PXDNL: variants seen among roughly 807,000 people sequenced by gnomAD.
PXDNL encodes peroxidasin like.
In PXDNL, 145 loss-of-function variants were observed where a neutral mutation model predicts 150.8. That is an observed-to-expected ratio of 0.96 (90% confidence interval 0.84 to 1.10). PXDNL has a LOEUF of 1.10. Among genes scored for constraint, PXDNL ranks in the 50% least tolerant of loss-of-function variants. The probability of loss-of-function intolerance (pLI) is 0.00; values close to 1 mark genes in which losing one functional copy is unlikely to be tolerated. For missense variants in PXDNL, 2,087 were observed against 1,873.9 expected (o/e 1.11, Z -2.10); for synonymous variants, 757 against 725.7 (o/e 1.04, Z -0.69).
At chr8:51,487,168 T>C (rs1374057582) in intron 5 of PXDNL, among the ~76,000 whole-genome samples, 1 of 152,146 alleles carries the variant, frequency 6.6e-6, no homozygotes, top group Admixed American at 6.5e-5. Flanking sequence ...ATTTGAGCAG[T>C]ATCTACTTTT....
Position 51,634,996 on chromosome 8 carries a change from T to G in PXDNL, c.236+19693A>C, listed in dbSNP as rs148437076. ...CTTTCTCTAGTCTGATTTCTCTGAATAGGACTTTCAGTACTATGTTGAATA... is the reference window on the plus strand; with the variant it reads ...CTTTCTCTAGTCTGATTTCTCTGAAGAGGACTTTCAGTACTATGTTGAATA... On this transcript the variant is annotated intron_variant, in intron 2 of 22. Transcript: ENST00000356297. 3.9e-3 allele frequency among the ~76,000 whole-genome samples: 597 copies of G among 152,198 alleles called. 1 individual carries two copies. The highest frequency in any genetic ancestry group is 6.9e-3 in the Admixed American group (106 of 15,264).
chr8:51,339,351 T>C (rs1045871072), intron 21 of PXDNL, among the ~76,000 whole-genome samples: 10 of 152,066 alleles, frequency 6.6e-5, no homozygotes, highest in Non-Finnish European at 2.9e-5. Context: ...TCCCAGCTAC[T>C]TGGGAGGCTG....
chr8:51,658,707 G>A (rs1815207364), intron 1 of PXDNL, among the ~76,000 whole-genome samples: 1 of 152,168 alleles, frequency 6.6e-6, no homozygotes, highest in African/African-American at 2.4e-5. Context: ...TACTGTGTAA[G>A]TATGTACATT....
chr8:51,551,550 A>G (rs531639057), intron 4 of PXDNL, among the ~76,000 whole-genome samples: 4 of 152,308 alleles, frequency 2.6e-5, no homozygotes, highest in Non-Finnish European at 5.9e-5. Flanking sequence ...GATCTTTGGC[A>G]AAGCAAATAA....
intron 17 of PXDNL, among the ~76,000 whole-genome samples, chr8:51,403,932 G>T (rs571778367): frequency 6.6e-6 from 1 of 152,128 alleles, no homozygotes; most frequent in Non-Finnish European, 1.5e-5. Flanking sequence ...TCTGATGTTC[G>T]GACGTGTTCA....
At chr8:51,576,041 G>A (rs553903510) in intron 3 of PXDNL, among the ~76,000 whole-genome samples, 7 of 150,614 alleles carry the variant, frequency 4.6e-5, no homozygotes, top group Admixed American at 6.6e-5. Context: ...TAGAACTGAC[G>A]AGAGAAACAG....
At chr8:51,650,515 T>C (rs973756182) in intron 2 of PXDNL, among the ~76,000 whole-genome samples, 2 of 152,208 alleles carry the variant, frequency 1.3e-5, no homozygotes, top group Admixed American at 1.3e-4. Flanking sequence ...CCAGAGTCTT[T>C]TTTACATTGC....
chr8:51,764,158 T>A (rs1454410225), intron 1 of PXDNL, among the ~76,000 whole-genome samples: 1 of 152,180 alleles, frequency 6.6e-6, no homozygotes, highest in Non-Finnish European at 1.5e-5. Flanking sequence ...CTCTCTTTAT[T>A]CCTGACTCTA....
intron 4 of PXDNL, among the ~76,000 whole-genome samples, chr8:51,548,196 G>C (rs76555051): frequency 0.026 from 3,961 of 151,930 alleles, 95 homozygotes; most frequent in African/African-American, 0.06. Flanking sequence ...TTTGGATTAT[G>C]TTAAACAACC....
At chr8:51,684,906 A>C (rs1033621993) in intron 1 of PXDNL, among the ~76,000 whole-genome samples, 9 of 152,216 alleles carry the variant, frequency 5.9e-5, no homozygotes, top group African/African-American at 2.2e-4. Context: ...CCTGCAAAGA[A>C]CCCCAGCCTC....
intron 2 of PXDNL, 26 bp downstream of exon 2, chr8:51,654,663 C>G (rs367679333): frequency 6.9e-5 from 109 of 1,579,992 alleles, no homozygotes; most frequent in Non-Finnish European, 9.0e-5. Flanking sequence ...TTTTAGGAAC[C>G]TTACAGATAA....
At chr8:51,552,838 G>C (rs1812522279) in intron 4 of PXDNL, among the ~76,000 whole-genome samples, 1 of 152,042 alleles carries the variant, frequency 6.6e-6, no homozygotes, top group Non-Finnish European at 1.5e-5. Flanking sequence ...ATAATTAATA[G>C]TAACAATAAT....
At chr8:51,525,641 TAAATAA>T (rs907064718) in intron 4 of PXDNL, among the ~76,000 whole-genome samples, 1 of 152,148 alleles carries the variant, frequency 6.6e-6, no homozygotes, top group Non-Finnish European at 1.5e-5. Context: ...TCTGATGCTA[TAAATAA>T]AAATAAAAAT....
intron 1 of PXDNL, among the ~76,000 whole-genome samples, chr8:51,725,785 G>A (rs1246990953): frequency 1.3e-5 from 2 of 152,214 alleles, no homozygotes; most frequent in Non-Finnish European, 2.9e-5. Context: ...TTTGCGTTCT[G>A]CAAGGACAGA....
At chr8:51,360,042 C>CAAAAAAAAAA (rs1366137848) in intron 19 of PXDNL, among the ~76,000 whole-genome samples, 2 of 85,612 alleles carry the variant, frequency 2.3e-5, no homozygotes, top group Admixed American at 1.2e-4. Context: ...AAGAGAAAAG[C>CAAAAAAAAAA]AAAAAAAAAA....
chr8:51,764,173 T>A (rs1327125997), intron 1 of PXDNL, among the ~76,000 whole-genome samples: 1 of 152,112 alleles, frequency 6.6e-6, no homozygotes, highest in Non-Finnish European at 1.5e-5. Context: ...ACTCTAGTAA[T>A]TTGTAGTAAT....
intron 1 of PXDNL, among the ~76,000 whole-genome samples, chr8:51,723,715 T>C (rs973713858): frequency 1.3e-5 from 2 of 152,098 alleles, no homozygotes; most frequent in African/African-American, 4.8e-5. Flanking sequence ...CACCAGCAGG[T>C]CGACAAAGTT....
At chr8:51,454,837 T>C (rs1438829109) in intron 9 of PXDNL, among the ~76,000 whole-genome samples, 5 of 152,182 alleles carry the variant, frequency 3.3e-5, no homozygotes, top group Non-Finnish European at 5.9e-5. Flanking sequence ...GCTCCTACTC[T>C]AGCTGCATGA....
chr8:51,686,777 A>G (rs1007346228), intron 1 of PXDNL, among the ~76,000 whole-genome samples: 8 of 152,210 alleles, frequency 5.3e-5, no homozygotes, highest in African/African-American at 1.9e-4. Flanking sequence ...GAAACAAGTG[A>G]CAAATGATTA....
Sources: gnomAD v4.1 joint callset for allele counts (sites outside exome capture counted in the v4.1 genomes callset) on GRCh38, gnomAD v4.1.1 for gene constraint, MANE v1.5 for transcripts, NCBI Gene and HGNC (gene_info 2026-07-23, HGNC 2026-07-21) for gene names.